SIMC1: variants seen among roughly 807,000 people sequenced by gnomAD.
SIMC1 encodes SUMO interacting motifs containing 1.
A neutral mutation model predicts 82.3 loss-of-function variants in SIMC1; 55 were observed. The ratio of observed to expected loss-of-function variants is 0.67; its 90% CI spans 0.54 to 0.84. SIMC1 has a LOEUF of 0.84. Among genes scored for constraint, SIMC1 ranks in the 40% least tolerant of loss-of-function variants. The pLI is 0.00. For synonymous variants in SIMC1, 353 were observed against 426.3 expected (o/e 0.83, Z 2.12); for missense variants, 915 against 1,107.2 (o/e 0.83, Z 2.46).
At chr5:176,338,643 T>C (rs563690254) in intron 9 of SIMC1, among the ~76,000 whole-genome samples, 1 of 152,248 alleles carries the variant, frequency 6.6e-6, no homozygotes, top group African/African-American at 2.4e-5. Context: ...TGCAACTTAT[T>C]CCCAAATAGT....
chr5:176,289,403 C>T (rs1763442464), intron 1 of SIMC1, among the ~76,000 whole-genome samples: 1 of 150,014 alleles, frequency 6.7e-6, no homozygotes, highest in African/African-American at 2.4e-5. Flanking sequence ...CTCCCCTGTC[C>T]TCCTTGGACC....
intron 7 of SIMC1, among the ~76,000 whole-genome samples, chr5:176,331,124 A>T (rs1765638975): frequency 6.6e-6 from 1 of 152,118 alleles, no homozygotes; most frequent in African/African-American, 2.4e-5. Flanking sequence ...GTCAGTATCC[A>T]CTTTGGGAGG....
intron 1 of SIMC1, among the ~76,000 whole-genome samples, chr5:176,279,416 A>G (rs71591825): frequency 0.034 from 5,205 of 152,230 alleles, 128 homozygotes; most frequent in Middle Eastern, 0.095. Flanking sequence ...GATCGTTTCA[A>G]AAAACCAGCT....
At chr5:176,301,650 G>A (rs1764044645) in intron 4 of SIMC1, among the ~76,000 whole-genome samples, 1 of 152,054 alleles carries the variant, frequency 6.6e-6, no homozygotes, top group Non-Finnish European at 1.5e-5. Context: ...ATGGTGGCAT[G>A]CACCTGAAAT....
chr5:176,246,247 T>G (rs1420807372), intron 1 of SIMC1, among the ~76,000 whole-genome samples: 1 of 152,094 alleles, frequency 6.6e-6, no homozygotes, highest in Non-Finnish European at 1.5e-5. Context: ...GCTGACCTTG[T>G]GATCCACCCA....
intron 1 of SIMC1, among the ~76,000 whole-genome samples, chr5:176,252,261 G>T (rs1243789393): frequency 6.6e-6 from 1 of 151,724 alleles, no homozygotes; most frequent in South Asian, 2.1e-4. Context: ...GCTAGGCGGG[G>T]GCTGACCCCC....
chr5:176,286,557 C>T (rs1763295184), intron 1 of SIMC1, among the ~76,000 whole-genome samples: 1 of 152,146 alleles, frequency 6.6e-6, no homozygotes, highest in South Asian at 2.1e-4. Context: ...TAGGCAATAC[C>T]ATACAGGACA....
At chr5:176,291,380 A>G (rs559927901) in intron 2 of SIMC1, among the ~76,000 whole-genome samples, 279 of 124,344 alleles carry the variant, frequency 2.2e-3, no homozygotes, top group African/African-American at 8.4e-3. Flanking sequence ...TCTGTCGCCC[A>G]GGCTGGAGTG....
intron 1 of SIMC1, among the ~76,000 whole-genome samples, chr5:176,271,792 T>C (rs1294828567): frequency 6.7e-6 from 1 of 150,130 alleles, no homozygotes; most frequent in Admixed American, 6.7e-5. Flanking sequence ...CTGATGTGAT[T>C]ATTACACATT....
At chr5:176,313,625 G>T (rs1764767400) in intron 4 of SIMC1, 66 bp from the exon 5 acceptor site, 1 of 1,596,928 alleles carries the variant, frequency 6.3e-7, no homozygotes, top group African/African-American at 1.3e-5. Flanking sequence ...ATTTATGAGA[G>T]CCCAATGTTG....
intron 1 of SIMC1, among the ~76,000 whole-genome samples, chr5:176,279,143 A>G (rs1316856783): frequency 2.0e-5 from 3 of 152,196 alleles, no homozygotes; most frequent in Non-Finnish European, 4.4e-5. Flanking sequence ...TTATTGGTCT[A>G]TTCAGAGATT....
chr5:176,322,685 G>A (rs902162303), intron 6 of SIMC1: 2 of 390,464 alleles, frequency 5.1e-6, no homozygotes, highest in Non-Finnish European at 9.2e-6. Flanking sequence ...ACAAATGCTA[G>A]AGGACACTGC....
intron 7 of SIMC1, among the ~76,000 whole-genome samples, chr5:176,330,639 G>C (rs888087775): frequency 1.3e-5 from 2 of 152,126 alleles, no homozygotes; most frequent in Non-Finnish European, 2.9e-5. Flanking sequence ...ATTATCTGTT[G>C]AATAAAATAG....
At chr5:176,250,418 T>C (rs1761610177) in intron 1 of SIMC1, among the ~76,000 whole-genome samples, 1 of 152,230 alleles carries the variant, frequency 6.6e-6, no homozygotes, top group Non-Finnish European at 1.5e-5. Flanking sequence ...GATGTGGTGC[T>C]GAGAAGAATG....
At chr5:176,259,077 A>G (rs543978053) in intron 1 of SIMC1, among the ~76,000 whole-genome samples, 7 of 152,204 alleles carry the variant, frequency 4.6e-5, no homozygotes, top group African/African-American at 1.2e-4. Context: ...TCACTCCAGA[A>G]GGAAACCCTG....
intron 4 of SIMC1, among the ~76,000 whole-genome samples, chr5:176,298,755 G>T (rs1763923362): frequency 6.6e-6 from 1 of 152,164 alleles, no homozygotes; most frequent in Admixed American, 6.5e-5. Flanking sequence ...AAACTAGATT[G>T]TTATAACTTT....
In SIMC1 at chr5:176,275,750, T is replaced by C. The variant is rs866328945; in HGVS notation, c.130-13904T>C. On this transcript the variant is annotated intron_variant, in intron 1 of 9. Coordinates refer to ENST00000429602, the MANE Select transcript of SIMC1 (RefSeq NM_001308195.2). Reference sequence around the variant, plus strand: ...ATAATCATGTGGTTTTTGTCTTTGGTTCTGTTTATATGCTGGATTACATTT... The same window carrying C: ...ATAATCATGTGGTTTTTGTCTTTGGCTCTGTTTATATGCTGGATTACATTT... 4.2e-3 allele frequency among the ~76,000 whole-genome samples: 643 copies of C among 151,760 alleles called. 5 individuals carry two copies. The highest frequency in any genetic ancestry group is 0.014 in the African/African-American group (583 of 41,312).
intron 2 of SIMC1, among the ~76,000 whole-genome samples, chr5:176,292,700 C>A (rs1763638095): frequency 1.3e-5 from 2 of 152,162 alleles, no homozygotes; most frequent in East Asian, 3.9e-4. Flanking sequence ...CCCGCTACCA[C>A]TTCCGGCTTT....
chr5:176,247,741 G>GC (rs1554104556), intron 1 of SIMC1, among the ~76,000 whole-genome samples: 2 of 150,732 alleles, frequency 1.3e-5, no homozygotes, highest in African/African-American at 4.9e-5. Context: ...ATGGTTTTAG[G>GC]TTTACATTTA....
Sources: allele counts gnomAD v4.1 joint callset (sites outside exome capture counted in the v4.1 genomes callset), GRCh38; gene constraint gnomAD v4.1.1; transcripts MANE v1.5; gene names NCBI Gene and HGNC (gene_info 2026-07-23, HGNC 2026-07-21).